Variants in DNAJC5G observed in about 807,000 individuals in gnomAD.
The protein encoded by DNAJC5G is dnaJ homolog subfamily C member 5G.
DNAJC5G carries 13 observed loss-of-function variants against 19.1 expected under a neutral mutation model. The observed-to-expected ratio is 0.68, with a 90% CI of 0.44 to 1.08. The LOEUF (loss-of-function observed/expected upper bound fraction) is 1.08, where lower values mean the gene tolerates loss of function less well. DNAJC5G is among the 50% of genes least tolerant of loss of function. The pLI is 0.00. For synonymous variants in DNAJC5G, 81 were observed against 84.4 expected (o/e 0.96, Z 0.22); for missense variants, 245 against 230.4 (o/e 1.06, Z -0.41).
chr2:27,277,840 G>A lies in DNAJC5G; in HGVS notation c.200G>A (p.Gly67Glu), dbSNP rs1156236306. ...CGGTATCATCCCGACAAGAATCCAGGGAATGCTCAAGCAGCAGAAATATTC... is the reference window on the plus strand; with the variant it reads ...CGGTATCATCCCGACAAGAATCCAGAGAATGCTCAAGCAGCAGAAATATTC... ...ALRYHPDKNP[G>E]NAQAAEIFKE... The change falls in exon 4 of 7, where the codon GGG (glycine) becomes GAG (glutamate). Residue 67 changes from glycine to glutamate, a missense_variant. Coordinates refer to ENST00000296097, the MANE Select transcript of DNAJC5G (RefSeq NM_173650.3). 3.1e-6 allele frequency: 5 copies of A among 1,614,144 alleles called. No homozygotes were observed. Among genetic ancestry groups the A allele is most frequent in the Non-Finnish European group, 4.2e-6 (5 of 1,180,046 alleles).
At chr2:27,280,051 C>T (rs2148180261) in intron 5 of DNAJC5G, 115 bp from the exon 6 acceptor site, 8 of 933,222 alleles carry the variant, frequency 8.6e-6, no homozygotes, top group South Asian at 1.5e-5. Context: ...AACTTGACAC[C>T]AGCGCCACCT....
At chr2:27,280,291 T>G (rs778603668) in intron 6 of DNAJC5G, 58 bp downstream of exon 6, 13 of 1,393,230 alleles carry the variant, frequency 9.3e-6, no homozygotes, top group Middle Eastern at 1.9e-4. Flanking sequence ...TAAGCTAACG[T>G]CAGATGAGTC....
chr2:27,278,142 C>G, intron 4 of DNAJC5G, 46 bp from the exon 5 acceptor site: 3 of 1,613,696 alleles, frequency 1.9e-6, no homozygotes, highest in Non-Finnish European at 2.5e-6. Context: ...CTTGAGCAGT[C>G]ATATAGAAAA....
At chr2:27,279,744 T>C (rs534135911) in intron 5 of DNAJC5G, among the ~76,000 whole-genome samples, 2 of 139,846 alleles carry the variant, frequency 1.4e-5, no homozygotes, top group East Asian at 2.0e-4. Flanking sequence ...AAACCCAGTA[T>C]CTACAAAAAA....
At chr2:27,276,475 AG>A (rs1478396655) in intron 2 of DNAJC5G, 88 bp downstream of exon 2, 1 of 423,416 alleles carries the variant, frequency 2.4e-6, no homozygotes, top group African/African-American at 2.0e-5. Flanking sequence ...GGATATCTAG[AG>A]GTCTGTGTAG....
chr2:27,278,124 G>A, intron 4 of DNAJC5G, 64 bp from the exon 5 acceptor site: 3 of 1,611,392 alleles, frequency 1.9e-6, no homozygotes, highest in Non-Finnish European at 1.7e-6. Context: ...AGGATTGAGG[G>A]AGGGAAGCTT....
intron 5 of DNAJC5G, 25 bp downstream of exon 5, chr2:27,278,357 G>A (rs1330666792): frequency 6.2e-7 from 1 of 1,613,414 alleles, no homozygotes; most frequent in Non-Finnish European, 8.5e-7. Flanking sequence ...CAGGGACTGT[G>A]AGGTAAGAAA....
rs771547063 is a variant in DNAJC5G, at chr2:27,280,159, A to G, written c.521-7A>G. ...TATATGTAAACATATATATAATTCC[A>G]TCATAGGAGCCAAATGTGATTTTAG... On this transcript the variant is annotated splice_region_variant and splice_polypyrimidine_tract_variant and intron_variant, in intron 5 of 6. Transcript: ENST00000296097. 6 of 1,613,496 alleles carry G rather than the reference A, an allele frequency of 3.7e-6. No individual in the cohort carries two copies. In the East Asian group the frequency reaches 1.3e-4, roughly 36 times the overall value.
At chr2:27,277,596 C>T (rs1678162859) in intron 3 of DNAJC5G, among the ~76,000 whole-genome samples, 158 bp from the exon 4 acceptor site, 1 of 152,114 alleles carries the variant, frequency 6.6e-6, no homozygotes. Flanking sequence ...CAAGCCCTCA[C>T]TTTGGGGCCA....
chr2:27,278,831 C>T (rs1295056499), intron 5 of DNAJC5G, among the ~76,000 whole-genome samples: 1 of 151,050 alleles, frequency 6.6e-6, no homozygotes, highest in African/African-American at 2.4e-5. Flanking sequence ...ATGGTGAAAC[C>T]CTGTCTCTAC....
chr2:27,278,842 T>A (rs1044085308), intron 5 of DNAJC5G, among the ~76,000 whole-genome samples: 2 of 151,318 alleles, frequency 1.3e-5, no homozygotes, highest in African/African-American at 4.9e-5. Flanking sequence ...CTGTCTCTAC[T>A]AAAAATACAA....
chr2:27,279,019 A>G (rs569558104), intron 5 of DNAJC5G, among the ~76,000 whole-genome samples: 45 of 151,974 alleles, frequency 3.0e-4, no homozygotes, highest in Non-Finnish European at 3.7e-4. Context: ...AAAAAAAAAA[A>G]AAAGAAAGAA....
At chr2:27,276,922 T>C in intron 3 of DNAJC5G, 81 bp downstream of exon 3, 8 of 641,706 alleles carry the variant, frequency 1.2e-5, no homozygotes, top group East Asian at 3.4e-5. Flanking sequence ...GCTATCTGAC[T>C]CTTTTTTTTT....
chr2:27,280,518 G>T lies in DNAJC5G; in HGVS notation c.*108G>T. 1 of 304,076 alleles carries T rather than the reference G, an allele frequency of 3.3e-6. No homozygotes were observed. Among genetic ancestry groups the T allele is most frequent in the Non-Finnish European group, 6.3e-6 (1 of 157,796 alleles). 18.8% of individuals were successfully genotyped at this position (304,076 alleles called of 1,614,324 possible). On this transcript the variant is annotated 3_prime_UTR_variant, in exon 7 of 7. Coordinates refer to ENST00000296097, the MANE Select transcript of DNAJC5G (RefSeq NM_173650.3). ...GTAGCCCTGTCCTGACATTGACCCT[G>T]ATTTGACCCCTCTTCTTATAAGGAT...
intron 5 of DNAJC5G, 109 bp downstream of exon 5, chr2:27,278,441 G>A: frequency 6.7e-7 from 1 of 1,486,768 alleles, no homozygotes; most frequent in African/African-American, 1.4e-5. Context: ...AGCACTTTGG[G>A]AGGGTGAGGC....
intron 5 of DNAJC5G, 52 bp from the exon 6 acceptor site, chr2:27,280,114 G>A (rs1282221499): frequency 1.0e-5 from 16 of 1,575,010 alleles, no homozygotes; most frequent in African/African-American, 9.5e-5. Flanking sequence ...AGTACACTAC[G>A]AAAAGTTACT....
At position 27,275,472 on chromosome 2, in the gene DNAJC5G, C is replaced by A; in HGVS notation, c.-367C>A. The A allele has an allele frequency of 2.9e-6, 1 of 342,164 alleles. No individual in the cohort carries two copies. The highest frequency in any genetic ancestry group is 4.0e-5 in the Admixed American group (1 of 24,698). The allele number at this position is 342,164 out of a possible 1,614,324, so 21.2% of individuals were successfully genotyped here. ...CGTCGACGCTGCGCACAAGCGCAGT[C>A]AACTGCTGGACCCGGCCGGTGTGAA... On this transcript the variant is annotated 5_prime_UTR_variant, in exon 1 of 7. Transcript: ENST00000296097.
intron 5 of DNAJC5G, among the ~76,000 whole-genome samples, chr2:27,278,966 C>G (rs896716084): frequency 6.9e-5 from 10 of 145,200 alleles, no homozygotes; most frequent in African/African-American, 2.6e-4. Context: ...GATCATGCCA[C>G]TGCACTCCAG....
chr2:27,276,921 C>CT, intron 3 of DNAJC5G, 80 bp downstream of exon 3: 8 of 762,940 alleles, frequency 1.0e-5, no homozygotes, highest in South Asian at 4.2e-5. Flanking sequence ...TGCTATCTGA[C>CT]TCTTTTTTTT....
Sources: gnomAD v4.1 joint callset for allele counts (sites outside exome capture counted in the v4.1 genomes callset) on GRCh38, gnomAD v4.1.1 for gene constraint, MANE v1.5 for transcripts, NCBI Gene and HGNC (gene_info 2026-07-23, HGNC 2026-07-21) for gene names.